ABLIM2: variants seen among roughly 807,000 people sequenced by gnomAD.
ABLIM2 encodes the protein actin-binding LIM protein 2.
ABLIM2 carries 53 observed loss-of-function variants against 97.7 expected under a neutral mutation model. That is an observed-to-expected ratio of 0.54 (90% CI 0.44 to 0.68). ABLIM2 has a LOEUF of 0.68. Among genes scored for constraint, ABLIM2 ranks in the 30% least tolerant of loss-of-function variants. The pLI, the probability that ABLIM2 is intolerant of heterozygous loss-of-function variation, is 0.00. For synonymous variants in ABLIM2, 361 were observed against 345.8 expected (o/e 1.04, Z -0.49); for missense variants, 835 against 867.2 (o/e 0.96, Z 0.47).
In ABLIM2 at chr4:8,019,529, A is replaced by G; in HGVS notation, c.1423+89T>C. 7.5e-7 allele frequency: 1 copy of G among 1,334,592 alleles called. No individual in the cohort carries two copies. The allele number at this position is 1,334,592 out of a possible 1,614,324, so 82.7% of individuals were successfully genotyped here. On this transcript the variant is annotated intron_variant, in intron 14 of 20. Transcript: ENST00000447017. The surrounding 1 kb of genome is among the most constrained non-coding windows in gnomAD (Gnocchi z 4.3). ...TGGTGGTGCCTTCACTGCATTTATC[A>G]GAACACAACAAAAGGATGCATTCAG...
intron 1 of ABLIM2, among the ~76,000 whole-genome samples, chr4:8,144,786 T>C (rs901431414): frequency 6.6e-6 from 1 of 152,222 alleles, no homozygotes; most frequent in Non-Finnish European, 1.5e-5. Context: ...ATGCTGCTGT[T>C]CTCTACCAGC....
chr4:8,073,992 C>A (rs1408875987), intron 6 of ABLIM2, among the ~76,000 whole-genome samples: 1 of 145,466 alleles, frequency 6.9e-6, no homozygotes, highest in Non-Finnish European at 1.5e-5. Flanking sequence ...GAGGCTGAAG[C>A]AGGAGAATGG....
chr4:8,108,858 C>T (rs569963150), intron 1 of ABLIM2, among the ~76,000 whole-genome samples: 42 of 152,260 alleles, frequency 2.8e-4, no homozygotes, highest in African/African-American at 9.4e-4. Flanking sequence ...AGCAGTCTAA[C>T]GCCAGCTCCC....
intron 18 of ABLIM2, among the ~76,000 whole-genome samples, chr4:7,984,513 C>T (rs1005831432): frequency 6.6e-6 from 1 of 152,250 alleles, no homozygotes; most frequent in Non-Finnish European, 1.5e-5. Flanking sequence ...GGGTTTGGCC[C>T]AGCGCCGTCC....
intron 1 of ABLIM2, among the ~76,000 whole-genome samples, chr4:8,108,974 A>T (rs546474465): frequency 2.0e-5 from 3 of 152,240 alleles, no homozygotes; most frequent in Non-Finnish European, 4.4e-5. Flanking sequence ...GGAGTGGGAA[A>T]GATGAAAGCT....
At position 8,021,366 on chromosome 4, in the gene ABLIM2, T is replaced by C. The variant is rs1020134186; in HGVS notation, c.1268-1063A>G. ...TGAGGTGACAGACAGATGCAGGGTA[T>C]TGAATGCTTGTGATGAGAGAAGGTG... On this transcript the variant is annotated intron_variant, in intron 12 of 20. Coordinates refer to ENST00000447017, the MANE Select transcript of ABLIM2 (RefSeq NM_001130083.2). The surrounding 1 kb of genome is among the most constrained non-coding windows in gnomAD (Gnocchi z 5.5). Among the ~76,000 whole-genome samples, 3 of 152,082 alleles carry C rather than the reference T, an allele frequency of 2.0e-5. No individual in the cohort carries two copies. The highest frequency in any genetic ancestry group is 4.8e-5 in the African/African-American group (2 of 41,418).
intron 10 of ABLIM2, among the ~76,000 whole-genome samples, chr4:8,030,545 G>A (rs958840063): frequency 6.6e-6 from 1 of 152,200 alleles, no homozygotes; most frequent in Non-Finnish European, 1.5e-5. Context: ...GTCAGAGCAC[G>A]TCTCCCACCC....
chr4:7,988,482 T>A (rs1314740663), intron 17 of ABLIM2, among the ~76,000 whole-genome samples: 1 of 152,238 alleles, frequency 6.6e-6, no homozygotes, highest in African/African-American at 2.4e-5. Flanking sequence ...CTGTAAATAT[T>A]TGAGCCCATG....
At chr4:8,152,408 A>G (rs113189034) in intron 1 of ABLIM2, among the ~76,000 whole-genome samples, 4 of 149,708 alleles carry the variant, frequency 2.7e-5, no homozygotes, top group African/African-American at 9.7e-5. Flanking sequence ...CGCTCCGAGC[A>G]GCGCTGCGAG....
At chr4:7,973,387 G>A (rs1392300580) in intron 20 of ABLIM2, among the ~76,000 whole-genome samples, 1 of 151,972 alleles carries the variant, frequency 6.6e-6, no homozygotes, top group Non-Finnish European at 1.5e-5. Context: ...TGTAGTCCCA[G>A]CTACCCGGGA....
chr4:8,063,666 C>T (rs1010149110), intron 6 of ABLIM2, among the ~76,000 whole-genome samples: 5 of 152,214 alleles, frequency 3.3e-5, no homozygotes, highest in African/African-American at 1.2e-4. Context: ...CCTGGCTGTC[C>T]GCAAGTCCTG....
Position 8,061,201 on chromosome 4 carries a change from C to T in ABLIM2, c.676-147G>A. ...AGCCCCCACCATCGGGACCCAAGAC[C>T]CCTGAGCAGAGCCCAGACCCGGGGG... On this transcript the variant is annotated intron_variant, in intron 6 of 20. Coordinates refer to ENST00000447017, the MANE Select transcript of ABLIM2 (RefSeq NM_001130083.2). The surrounding 1 kb of genome is among the most constrained non-coding windows in gnomAD (Gnocchi z 4.5). The T allele has an allele frequency of 1.4e-6, 1 of 698,120 alleles. No individual in the cohort carries two copies. The allele number at this position is 698,120 out of a possible 1,614,324, so 43.2% of individuals were successfully genotyped here.
In ABLIM2 at chr4:8,155,955, A is replaced by G. The variant is rs1471651176; in HGVS notation, c.10+2725T>C. 6.6e-6 allele frequency among the ~76,000 whole-genome samples: 1 copy of G among 152,146 alleles called. No individual in the cohort carries two copies. Among genetic ancestry groups the G allele is most frequent in the Non-Finnish European group, 1.5e-5 (1 of 68,014 alleles). On this transcript the variant is annotated intron_variant, in intron 1 of 20. Transcript: ENST00000447017. The surrounding 1 kb of genome is among the most constrained non-coding windows in gnomAD (Gnocchi z 4.2). ...AACCCAGCTGACACCTTGATCTCAG[A>G]CTTCTGGCCTCTAGAATCAGCAAAA... is the stretch of plus-strand genomic sequence containing the variant.
intron 14 of ABLIM2, among the ~76,000 whole-genome samples, chr4:8,014,246 C>A (rs16841567): frequency 0.11 from 16,736 of 152,252 alleles, 1,097 homozygotes; most frequent in South Asian, 0.18. Context: ...GGGAAGGTGC[C>A]CGGGGTTTCA....
Position 7,970,913 on chromosome 4 carries a change from C to G in ABLIM2, c.1825-3810G>C, listed in dbSNP as rs1386383992. Among the ~76,000 whole-genome samples the G allele has an allele frequency of 3.9e-5, 6 of 151,946 alleles. No individual in the cohort carries two copies. In the South Asian group the frequency reaches 1.2e-3, roughly 32 times the overall value. The stretch of plus-strand genomic sequence containing the variant: ...GGGCCCAGGACTTGGGGCCAGGGGT[C>G]TAGGGGGCTGACAGGGACCACCTCC... On this transcript the variant is annotated intron_variant, in intron 20 of 20. Coordinates refer to ENST00000447017, the MANE Select transcript of ABLIM2 (RefSeq NM_001130083.2). This position sits in a 1 kb window ranked among gnomAD's most constrained non-coding sequence, Gnocchi z 5.3.
At chr4:7,974,709 GCATCTATCCACCCATC>G (rs1190462980) in intron 20 of ABLIM2, among the ~76,000 whole-genome samples, 2 of 138,772 alleles carry the variant, frequency 1.4e-5, no homozygotes, top group South Asian at 4.7e-4. Context: ...ACCCACCCAT[GCATCTATCCACCCATC>G]CATCCACCCA....
Position 8,127,561 on chromosome 4 carries a change from G to A in ABLIM2, c.11-20924C>T. On this transcript the variant is annotated intron_variant, in intron 1 of 20. Transcript: ENST00000447017. The surrounding 1 kb of genome is among the most constrained non-coding windows in gnomAD (Gnocchi z 7.3). ...TGGGGATTTACCTGTGTCTCCCCCT[G>A]GCACCCCCATGGAGCGTGGCTGCTT... 1 of 1,289,762 alleles carries A rather than the reference G, an allele frequency of 7.8e-7. No individual in the cohort carries two copies. The highest frequency in any genetic ancestry group is 1.2e-5 in the South Asian group (1 of 81,030). The allele number at this position is 1,289,762 out of a possible 1,614,324, so 79.9% of individuals were successfully genotyped here. A position where few individuals can be genotyped will look rare whatever the true frequency, so the allele number is the denominator to read the frequency against.
chr4:8,092,951 A>C (rs4696754), intron 3 of ABLIM2, among the ~76,000 whole-genome samples: 42,831 of 151,966 alleles, frequency 0.28, 6,082 homozygotes, highest in East Asian at 0.32. Flanking sequence ...TGGGTTCAAG[A>C]GATTCTCCTG....
At chr4:8,020,050 T>C (rs113467436) in intron 13 of ABLIM2, among the ~76,000 whole-genome samples, 152 bp downstream of exon 13, 8,132 of 123,414 alleles carry the variant, frequency 0.066, 302 homozygotes, top group Middle Eastern at 0.11. Flanking sequence ...CTGATGGTTT[T>C]AAAGAAATCT....
Sources: allele counts gnomAD v4.1 joint callset (sites outside exome capture counted in the v4.1 genomes callset), GRCh38; gene constraint gnomAD v4.1.1; non-coding constraint Gnocchi (gnomAD v3.1); transcripts MANE v1.5; gene names NCBI Gene and HGNC (gene_info 2026-07-23, HGNC 2026-07-21).